ADGRL2: variants seen among roughly 807,000 people sequenced by gnomAD.
The protein encoded by ADGRL2 is calcium-independent alpha-latrotoxin receptor 2.
In ADGRL2, 44 loss-of-function variants were observed where a neutral mutation model predicts 157.4. The ratio of observed to expected loss-of-function variants is 0.28; its 90% CI spans 0.22 to 0.36. ADGRL2 has a LOEUF of 0.36. Ranked by LOEUF, ADGRL2 falls within the 10% of genes least tolerant of loss-of-function variation. The pLI, the probability that ADGRL2 is intolerant of heterozygous loss-of-function variation, is 1.00. For missense variants in ADGRL2, 1,510 were observed against 1,768.9 expected (o/e 0.85, Z 2.63); for synonymous variants, 585 against 624.7 (o/e 0.94, Z 0.95).
intron 2 of ADGRL2, among the ~76,000 whole-genome samples, chr1:81,843,750 G>C (rs2092686885): frequency 1.3e-5 from 2 of 152,146 alleles, no homozygotes; most frequent in Admixed American, 1.3e-4. Context: ...CTTTTCAAAA[G>C]TAAATTTGAA....
chr1:81,679,596 G>A (rs541640236), intron 3 of ADGRL2, among the ~76,000 whole-genome samples: 9 of 152,304 alleles, frequency 5.9e-5, no homozygotes, highest in African/African-American at 2.2e-4. Flanking sequence ...GTTTTAGGAA[G>A]CAAATCCAGG....
At chr1:81,631,848 T>C (rs968164375) in intron 3 of ADGRL2, among the ~76,000 whole-genome samples, 4 of 152,066 alleles carry the variant, frequency 2.6e-5, no homozygotes, top group African/African-American at 9.7e-5. Context: ...AGCATTTCCT[T>C]GAATGGCTGG....
chr1:81,317,894 ATGTG>A (rs534817390), intron 1 of ADGRL2, among the ~76,000 whole-genome samples: 1 of 152,098 alleles, frequency 6.6e-6, no homozygotes, highest in African/African-American at 2.4e-5. Context: ...GTGTATATAG[ATGTG>A]TGTGTGTACA....
intron 1 of ADGRL2, among the ~76,000 whole-genome samples, chr1:81,320,396 T>C (rs528008478): frequency 6.6e-6 from 1 of 152,356 alleles, no homozygotes; most frequent in Admixed American, 6.5e-5. Flanking sequence ...GCATCTAGAA[T>C]GGTGAATCCT....
At chr1:81,672,061 C>G (rs2148919634) in intron 3 of ADGRL2, among the ~76,000 whole-genome samples, 1 of 152,232 alleles carries the variant, frequency 6.6e-6, no homozygotes, top group East Asian at 1.9e-4. Flanking sequence ...AGATGATGTC[C>G]CAGACAACAG....
chr1:81,767,611 C>A (rs2086181625), intron 2 of ADGRL2, among the ~76,000 whole-genome samples: 1 of 152,054 alleles, frequency 6.6e-6, no homozygotes, highest in African/African-American at 2.4e-5. Flanking sequence ...GTGGCTCACA[C>A]TTGTAATCTT....
chr1:81,754,525 CTT>C (rs1376043150), intron 1 of ADGRL2, among the ~76,000 whole-genome samples: 1 of 135,302 alleles, frequency 7.4e-6, no homozygotes, highest in Admixed American at 8.0e-5. Flanking sequence ...TTCCCTCCCT[CTT>C]TCTCTTTCTT....
chr1:81,667,731 A>G (rs549970989), intron 3 of ADGRL2, among the ~76,000 whole-genome samples: 3 of 152,328 alleles, frequency 2.0e-5, no homozygotes, highest in East Asian at 3.9e-4. Context: ...TTGAGGGTGT[A>G]TCTAAGTATT....
At chr1:81,433,619 C>A (rs564233365) in intron 1 of ADGRL2, among the ~76,000 whole-genome samples, 1 of 152,096 alleles carries the variant, frequency 6.6e-6, no homozygotes, top group African/African-American at 2.4e-5. Flanking sequence ...TTCTACCCTT[C>A]GGCAAGGAAA....
At chr1:81,625,963 A>G (rs1191969159) in intron 3 of ADGRL2, among the ~76,000 whole-genome samples, 1 of 152,134 alleles carries the variant, frequency 6.6e-6, no homozygotes, top group East Asian at 1.9e-4. Flanking sequence ...TCATTCTTTC[A>G]TTTGCCTTTG....
At chr1:81,697,483 A>T (rs964807131), upstream of ADGRL2, among the ~76,000 whole-genome samples, 1 of 152,220 alleles carries the variant, frequency 6.6e-6, no homozygotes, top group African/African-American at 2.4e-5. Flanking sequence ...CATGGAAGGC[A>T]TAATAATGAT....
At chr1:81,898,739 A>G (rs1377462470) in intron 2 of ADGRL2, among the ~76,000 whole-genome samples, 1 of 152,186 alleles carries the variant, frequency 6.6e-6, no homozygotes, top group Non-Finnish European at 1.5e-5. Flanking sequence ...TTTACTTTTA[A>G]CACTATTTTC....
chr1:81,737,895 A>G (rs1022907070), intron 1 of ADGRL2, among the ~76,000 whole-genome samples: 1 of 152,166 alleles, frequency 6.6e-6, no homozygotes, highest in Non-Finnish European at 1.5e-5. Context: ...ATTCTACAAG[A>G]CAGCCAAGAT....
intron 3 of ADGRL2, among the ~76,000 whole-genome samples, chr1:81,670,611 T>G (rs1249248193): frequency 1.3e-5 from 2 of 152,158 alleles, no homozygotes; most frequent in African/African-American, 4.8e-5. Context: ...ACCAGCACCC[T>G]CTAACCCACC....
chr1:81,446,247 T>C (rs2077594976), intron 2 of ADGRL2, among the ~76,000 whole-genome samples: 1 of 152,134 alleles, frequency 6.6e-6, no homozygotes, highest in South Asian at 2.1e-4. Context: ...CACAGCGTAG[T>C]TGGAGAATCA....
intron 3 of ADGRL2, among the ~76,000 whole-genome samples, chr1:81,687,081 G>A (rs2083243628): frequency 6.6e-6 from 1 of 152,146 alleles, no homozygotes; most frequent in African/African-American, 2.4e-5. Flanking sequence ...AAAGTTCCAT[G>A]TGCTGTTGAA....
At position 81,392,096 on chromosome 1, in the gene ADGRL2, G is replaced by T. The variant is rs2076569865; in HGVS notation, c.-301-52940G>T. Among the ~76,000 whole-genome samples the T allele has an allele frequency of 2.6e-5, 4 of 151,990 alleles. No individual in the cohort carries two copies. The South Asian group carries it at 8.3e-4, about 32-fold the overall frequency. On this transcript the variant is annotated intron_variant, in intron 1 of 24. Transcript: ENST00000370721. Reference sequence around the variant, plus strand: ...TCTGTCTAATTCTATTGTCCATACTGTCAACCATTATACTGTACTGCCTCC... The same window carrying T: ...TCTGTCTAATTCTATTGTCCATACTTTCAACCATTATACTGTACTGCCTCC...
intron 1 of ADGRL2, chr1:81,444,879 C>A (rs1009565107): frequency 2.0e-5 from 3 of 152,190 alleles, no homozygotes; most frequent in East Asian, 3.9e-4. Context: ...AAATTCTATT[C>A]TCTCTGTATC....
intron 6 of ADGRL2, among the ~76,000 whole-genome samples, chr1:81,949,176 G>A (rs1396303180): frequency 1.3e-5 from 2 of 152,144 alleles, no homozygotes; most frequent in Non-Finnish European, 2.9e-5. Flanking sequence ...AAGGTTTTAA[G>A]AGCCAATAAT....
Sources: gnomAD v4.1 joint callset for allele counts (sites outside exome capture counted in the v4.1 genomes callset) on GRCh38, gnomAD v4.1.1 for gene constraint, MANE v1.5 for transcripts, NCBI Gene and HGNC (gene_info 2026-07-23, HGNC 2026-07-21) for gene names.